The following RAPGEF2 variants were observed in gnomAD, a reference collection of about 807,000 sequenced individuals.
The protein encoded by RAPGEF2 is Rap guanine nucleotide exchange factor 2.
In RAPGEF2, 54 loss-of-function variants were observed where a neutral mutation model predicts 186.7. The ratio of observed to expected loss-of-function variants is 0.29; its 90% confidence interval spans 0.23 to 0.36. RAPGEF2 has a LOEUF of 0.36. RAPGEF2 is among the 10% of genes least tolerant of loss of function. The probability of loss-of-function intolerance (pLI) is 1.00; values close to 1 mark genes in which losing one functional copy is unlikely to be tolerated. For synonymous variants in RAPGEF2, 712 were observed against 705.9 expected (o/e 1.01, Z -0.14); for missense variants, 1,532 against 2,045.0 (o/e 0.75, Z 4.84).
At chr4:159,137,075 C>T (rs1042775277) in intron 1 of RAPGEF2, among the ~76,000 whole-genome samples, 1 of 152,146 alleles carries the variant, frequency 6.6e-6, no homozygotes, top group African/African-American at 2.4e-5. Context: ...TATTTTGGCT[C>T]TGTTCAGTGG....
chr4:159,313,228 C>G (rs991443578), intron 8 of RAPGEF2, among the ~76,000 whole-genome samples: 1 of 152,160 alleles, frequency 6.6e-6, no homozygotes. Context: ...AAGGATAGAT[C>G]CTTATATAAG....
chr4:159,211,325 G>A (rs1750505368), intron 4 of RAPGEF2, among the ~76,000 whole-genome samples: 1 of 151,972 alleles, frequency 6.6e-6, no homozygotes, highest in Non-Finnish European at 1.5e-5. Context: ...GTTCCCCAAG[G>A]GTGTCAGCTA....
In RAPGEF2 at chr4:159,353,604, T is replaced by A. The variant is rs1731522401; in HGVS notation, c.4209T>A (p.Ala1403=). 4 of 1,597,704 alleles carry A rather than the reference T, an allele frequency of 2.5e-6. No homozygotes were observed. The South Asian group carries it at 4.6e-5, about 18-fold the overall frequency. The stretch of plus-strand genomic sequence containing the variant: ...GGGATCGCGCGTCACTTGATGCTGC[T>A]GACAGTGGCCGTGGGAGCTGGACGT... ...DQGDRASLDA[A]DSGRGSWTSC... Residue 1403 remains alanine, a synonymous_variant, in exon 28 of 30, where the codon GCT becomes GCA. Transcript: ENST00000691494. The surrounding 1 kb of genome is among the most constrained non-coding windows in gnomAD (Gnocchi z 4.3).
chr4:159,105,510 A>G (rs914237827), intron 1 of RAPGEF2, among the ~76,000 whole-genome samples: 20 of 152,180 alleles, frequency 1.3e-4, no homozygotes, highest in African/African-American at 4.6e-4. Flanking sequence ...GAGATCATGG[A>G]TAGATTGCAC....
At chr4:159,195,874 T>TG (rs1554008088) in intron 3 of RAPGEF2, among the ~76,000 whole-genome samples, 231 of 103,254 alleles carry the variant, frequency 2.2e-3, no homozygotes, top group African/African-American at 9.3e-3. Flanking sequence ...CAAACATACC[T>TG]GTTTTTTTTT....
chr4:159,325,555 T>C (rs533056598), intron 11 of RAPGEF2, among the ~76,000 whole-genome samples: 216 of 152,254 alleles, frequency 1.4e-3, no homozygotes, highest in African/African-American at 4.1e-3. Flanking sequence ...ATTACAATAG[T>C]GTTTGAGTTA....
intron 1 of RAPGEF2, among the ~76,000 whole-genome samples, chr4:159,137,862 A>G (rs768982185): frequency 1.3e-5 from 2 of 152,140 alleles, no homozygotes; most frequent in Non-Finnish European, 2.9e-5. Context: ...CTTTAAAAAC[A>G]TTTCTTTATC....
chr4:159,224,899 C>A (rs545660321), intron 4 of RAPGEF2, among the ~76,000 whole-genome samples: 1 of 151,826 alleles, frequency 6.6e-6, no homozygotes, highest in East Asian at 1.9e-4. Context: ...AAGGTTCAGA[C>A]AAGGGAAGAA....
intron 1 of RAPGEF2, among the ~76,000 whole-genome samples, chr4:159,139,424 G>C (rs867054388): frequency 8.0e-4 from 122 of 152,128 alleles, no homozygotes; most frequent in Middle Eastern, 6.8e-3. Context: ...TAATAATTAA[G>C]GCTTTGAGAA....
At chr4:159,109,626 A>T (rs970453234) in intron 1 of RAPGEF2, among the ~76,000 whole-genome samples, 3 of 152,340 alleles carry the variant, frequency 2.0e-5, no homozygotes, top group African/African-American at 7.2e-5. Context: ...GTAACTCACT[A>T]ATCTATTGTT....
At chr4:159,188,571 G>A (rs1747786063) in intron 2 of RAPGEF2, among the ~76,000 whole-genome samples, 2 of 151,478 alleles carry the variant, frequency 1.3e-5, no homozygotes, top group South Asian at 4.2e-4. Flanking sequence ...AGCTGAGGTA[G>A]GAGAGTCGCT....
chr4:159,293,610 G>A (rs777924273), intron 7 of RAPGEF2, among the ~76,000 whole-genome samples: 4 of 152,190 alleles, frequency 2.6e-5, no homozygotes, highest in Non-Finnish European at 4.4e-5. Context: ...GTTATAGGTC[G>A]TAAAAATGAT....
At chr4:159,142,635 TAA>T (rs1025247029) in intron 1 of RAPGEF2, among the ~76,000 whole-genome samples, 1 of 151,710 alleles carries the variant, frequency 6.6e-6, no homozygotes, top group African/African-American at 2.4e-5. Context: ...GTCAAAGAAA[TAA>T]AAATATATGT....
intron 7 of RAPGEF2, among the ~76,000 whole-genome samples, chr4:159,300,222 A>G (rs1429559822): frequency 6.6e-6 from 1 of 151,620 alleles, no homozygotes; most frequent in African/African-American, 2.4e-5. Context: ...TTTAAACAAT[A>G]TATAATTAAT....
chr4:159,309,293 C>G (rs1472374455), intron 8 of RAPGEF2, among the ~76,000 whole-genome samples: 1 of 152,110 alleles, frequency 6.6e-6, no homozygotes, highest in East Asian at 1.9e-4. Context: ...CCTGCCTAAT[C>G]TTTTTATTTC....
At chr4:159,171,030 ATC>A (rs897071386) in intron 1 of RAPGEF2, among the ~76,000 whole-genome samples, 2 of 152,042 alleles carry the variant, frequency 1.3e-5, no homozygotes, top group Non-Finnish European at 2.9e-5. Flanking sequence ...TTTATTTCTG[ATC>A]TCTCTGTTCT....
intron 16 of RAPGEF2, 105 bp from the exon 17 acceptor site, chr4:159,332,346 G>C (rs1368323440): frequency 4.1e-5 from 50 of 1,219,548 alleles, no homozygotes; most frequent in Non-Finnish European, 5.4e-5. Context: ...TTTGATAACT[G>C]AAGTCTGTAC....
chr4:159,302,108 A>G (rs1036661749), intron 7 of RAPGEF2, among the ~76,000 whole-genome samples: 1 of 152,114 alleles, frequency 6.6e-6, no homozygotes, highest in Non-Finnish European at 1.5e-5. Context: ...TTTCCATGTA[A>G]TTCTGATATT....
At chr4:159,157,417 T>C (rs1038673502) in intron 1 of RAPGEF2, among the ~76,000 whole-genome samples, 3 of 152,226 alleles carry the variant, frequency 2.0e-5, no homozygotes, top group Non-Finnish European at 4.4e-5. Flanking sequence ...ACTGTTTTTA[T>C]CTATTATTGC....
Sources: gnomAD v4.1 joint callset for allele counts (sites outside exome capture counted in the v4.1 genomes callset) on GRCh38, gnomAD v4.1.1 for gene constraint, Gnocchi (gnomAD v3.1) non-coding constraint, MANE v1.5 for transcripts, NCBI Gene and HGNC (gene_info 2026-07-23, HGNC 2026-07-21) for gene names.